OR9Q1: variants seen among roughly 807,000 people sequenced by gnomAD.
The protein encoded by OR9Q1 is olfactory receptor family 9 subfamily Q member 1, also known as olfactory receptor 9Q1.
For synonymous variants in OR9Q1, 153 were observed against 148.6 expected (o/e 1.03, Z -0.22); for missense variants, 374 against 378.8 (o/e 0.99, Z 0.11).
intron 2 of OR9Q1, among the ~76,000 whole-genome samples, chr11:58,143,529 G>A (rs1854270612): frequency 6.6e-6 from 1 of 152,174 alleles, no homozygotes; most frequent in South Asian, 2.1e-4. Flanking sequence ...TGAAATCTGG[G>A]TCACTTTACT....
At chr11:58,172,247 A>G (rs1237043448) in intron 2 of OR9Q1, among the ~76,000 whole-genome samples, 1 of 152,212 alleles carries the variant, frequency 6.6e-6, no homozygotes, top group African/African-American at 2.4e-5. Context: ...CAGTGGGCAC[A>G]GGGATGTTGG....
intron 1 of OR9Q1, among the ~76,000 whole-genome samples, chr11:58,025,221 TG>T (rs1339182793): frequency 6.6e-6 from 1 of 152,168 alleles, no homozygotes; most frequent in Non-Finnish European, 1.5e-5. Context: ...GTCGCCAGGC[TG>T]GAGTGCAGTG....
chr11:58,079,829 A>G (rs1853572168), intron 2 of OR9Q1, among the ~76,000 whole-genome samples: 1 of 152,166 alleles, frequency 6.6e-6, no homozygotes, highest in Non-Finnish European at 1.5e-5. Flanking sequence ...ACTACAGGCA[A>G]ATGAGCATAT....
At chr11:58,098,501 C>T (rs1853753338) in intron 2 of OR9Q1, among the ~76,000 whole-genome samples, 1 of 151,920 alleles carries the variant, frequency 6.6e-6, no homozygotes, top group Admixed American at 6.6e-5. Context: ...CAAAAATTAA[C>T]TTTGTTGGAG....
At chr11:58,101,405 A>G (rs904243789) in intron 2 of OR9Q1, among the ~76,000 whole-genome samples, 2 of 152,048 alleles carry the variant, frequency 1.3e-5, no homozygotes, top group East Asian at 1.9e-4. Flanking sequence ...ACATTGTTTC[A>G]TATGTTTGTT....
chr11:58,141,655 G>T (rs533810819), intron 2 of OR9Q1, among the ~76,000 whole-genome samples: 1 of 152,016 alleles, frequency 6.6e-6, no homozygotes, highest in Non-Finnish European at 1.5e-5. Flanking sequence ...ATCAATGTTC[G>T]TCAGGGATGT....
intron 2 of OR9Q1, among the ~76,000 whole-genome samples, chr11:58,091,254 C>A (rs1414040384): frequency 6.6e-6 from 1 of 152,148 alleles, no homozygotes; most frequent in Non-Finnish European, 1.5e-5. Context: ...GATTTTAGAT[C>A]TTTCCAGCTT....
At chr11:58,130,363 C>G (rs895149028) in intron 2 of OR9Q1, among the ~76,000 whole-genome samples, 10 of 152,134 alleles carry the variant, frequency 6.6e-5, no homozygotes, top group Middle Eastern at 3.2e-3. Flanking sequence ...ACATAATCAT[C>G]AAATATTTGA....
intron 2 of OR9Q1, among the ~76,000 whole-genome samples, chr11:58,103,807 T>G (rs1048095185): frequency 6.6e-6 from 1 of 152,176 alleles, no homozygotes; most frequent in African/African-American, 2.4e-5. Context: ...GTGCATTGGC[T>G]TTTATTCTGG....
At position 58,072,636 on chromosome 11, in the gene OR9Q1, T is replaced by C. The variant is rs190701679; in HGVS notation, c.-15+16689T>C. 412 of 154,812 alleles carry C rather than the reference T, an allele frequency of 2.7e-3. 1 individual carries two copies. The highest frequency in any genetic ancestry group is 9.2e-3 in the African/African-American group (381 of 41,624). 9.6% of individuals were successfully genotyped at this position (154,812 alleles called of 1,614,324 possible). On this transcript the variant is annotated intron_variant, in intron 2 of 2. Coordinates refer to ENST00000335397, the MANE Select transcript of OR9Q1 (RefSeq NM_001005212.4). ...GTCATCTCTTCAGTGTATTCTGCTG[T>C]ATATACTGGTAACCAATAGATTAGT...
chr11:58,165,962 T>C (rs545444676), intron 2 of OR9Q1, among the ~76,000 whole-genome samples: 1 of 152,232 alleles, frequency 6.6e-6, no homozygotes, highest in Non-Finnish European at 1.5e-5. Flanking sequence ...CAGGTTTCTC[T>C]ACATTTACAA....
In OR9Q1 at chr11:58,119,448, G is replaced by A. The variant is rs1301529341; in HGVS notation, c.-14-59983G>A. The A allele has an allele frequency of 3.2e-6, 5 of 1,540,736 alleles. 1 individual carries two copies. In the Admixed American group the frequency reaches 5.2e-5, roughly 16 times the overall value. On this transcript the variant is annotated intron_variant, in intron 2 of 2. Coordinates refer to ENST00000335397, the MANE Select transcript of OR9Q1 (RefSeq NM_001005212.4). ...TGGTGAGATTATTCTTGGCCATGGA[G>A]ACAATGTGGACTGTTGGTCTGAGGA...
intron 2 of OR9Q1, among the ~76,000 whole-genome samples, chr11:58,157,742 C>T (rs963111706): frequency 2.0e-5 from 3 of 151,928 alleles, no homozygotes; most frequent in Non-Finnish European, 2.9e-5. Context: ...CCTCTACCAG[C>T]AGGTCCTTTC....
chr11:58,086,904 A>G (rs753068142), intron 2 of OR9Q1, among the ~76,000 whole-genome samples: 4 of 151,802 alleles, frequency 2.6e-5, no homozygotes, highest in Non-Finnish European at 5.9e-5. Flanking sequence ...AATTTCAGTT[A>G]GGAGGAATAA....
chr11:58,137,897 A>G (rs984736107), intron 2 of OR9Q1, among the ~76,000 whole-genome samples: 1 of 152,234 alleles, frequency 6.6e-6, no homozygotes, highest in Non-Finnish European at 1.5e-5. Context: ...ATTAATATTC[A>G]TAGATACTCT....
At chr11:58,033,278 G>C (rs10792128) in intron 1 of OR9Q1, among the ~76,000 whole-genome samples, 1 of 151,670 alleles carries the variant, frequency 6.6e-6, no homozygotes. Context: ...TAAAATAATC[G>C]TTCTATCAAA....
intron 1 of OR9Q1, among the ~76,000 whole-genome samples, chr11:58,048,291 G>A (rs1028331502): frequency 9.9e-5 from 15 of 152,086 alleles, no homozygotes; most frequent in African/African-American, 2.2e-4. Context: ...ATGGATTTGC[G>A]AATTACCCTG....
intron 2 of OR9Q1, among the ~76,000 whole-genome samples, chr11:58,092,382 A>T (rs1009836775): frequency 6.6e-6 from 1 of 150,680 alleles, no homozygotes; most frequent in South Asian, 2.1e-4. Flanking sequence ...TGTATTTTTG[A>T]TGTGCAATTT....
At chr11:58,031,665 G>T (rs745475593) in intron 1 of OR9Q1, 4 of 1,613,684 alleles carry the variant, frequency 2.5e-6, no homozygotes, top group East Asian at 2.2e-5. Context: ...GCTGCTGAGC[G>T]CTGGAAGGCC....
Sources: allele counts gnomAD v4.1 joint callset (sites outside exome capture counted in the v4.1 genomes callset), GRCh38; gene constraint gnomAD v4.1.1; transcripts MANE v1.5; gene names NCBI Gene and HGNC (gene_info 2026-07-23, HGNC 2026-07-21).